VAV1: variants seen among roughly 807,000 people sequenced by gnomAD.
VAV1 encodes the protein vav guanine nucleotide exchange factor 1, also known as proto-oncogene vav.
VAV1 carries 33 observed loss-of-function variants against 128.1 expected under a neutral mutation model. The ratio of observed to expected loss-of-function variants is 0.26; its 90% CI spans 0.20 to 0.34. VAV1 has a LOEUF of 0.34. VAV1 is among the 10% of genes least tolerant of loss of function. VAV1 has a pLI of 1.00. For synonymous variants in VAV1, 394 were observed against 409.8 expected (o/e 0.96, Z 0.47); for missense variants, 715 against 1,093.7 (o/e 0.65, Z 4.88).
chr19:6,776,353 T>TGTCCATCC lies in VAV1; in HGVS notation c.204+3342_204+3343insGTCCATCC, dbSNP rs1286305983. ...TCATCCATTCATCCATCCACTCATCTATCCATCCATCCATCCATCCATCCA... is the reference window on the plus strand; with the variant it reads ...TCATCCATTCATCCATCCACTCATCTGTCCATCCATCCATCCATCCATCCATCCATCCA... On this transcript the variant is annotated intron_variant, in intron 1 of 26. Transcript: ENST00000602142. 9.4e-3 allele frequency among the ~76,000 whole-genome samples: 682 copies of TGTCCATCC among 72,742 alleles called. 8 individuals carry two copies. The highest frequency in any genetic ancestry group is 0.025 in the African/African-American group (565 of 22,432). The allele number at this position is 72,742 out of a possible 152,430, so 47.7% of individuals were successfully genotyped here.
chr19:6,851,027 T>A (rs1335207561), intron 24 of VAV1, among the ~76,000 whole-genome samples: 2 of 152,166 alleles, frequency 1.3e-5, no homozygotes, highest in African/African-American at 4.8e-5. Context: ...TGTATATATG[T>A]ATGTGTGTAT....
At chr19:6,817,646 G>T (rs577222258) in intron 1 of VAV1, among the ~76,000 whole-genome samples, 7 of 151,954 alleles carry the variant, frequency 4.6e-5, no homozygotes. Context: ...AGAAAACGCC[G>T]GAGTAGGGGT....
In VAV1 at chr19:6,857,324, C is replaced by T. The variant is rs1164731829; in HGVS notation, c.*217C>T. The T allele has an allele frequency of 2.9e-5, 17 of 582,672 alleles. No individual in the cohort carries two copies. Among genetic ancestry groups the T allele is most frequent in the Non-Finnish European group, 2.1e-5 (7 of 331,402 alleles). The allele number at this position is 582,672 out of a possible 1,614,324, so 36.1% of individuals were successfully genotyped here. On this transcript the variant is annotated 3_prime_UTR_variant, in exon 27 of 27. Transcript: ENST00000602142. ...CTTGGGTCCCCTCAAGCAGACGGGG[C>T]TCAAGGGGGTTACATTTAATAAAAG... is the stretch of plus-strand genomic sequence containing the variant.
At chr19:6,801,596 A>T (rs2144731722) in intron 1 of VAV1, among the ~76,000 whole-genome samples, 1 of 152,140 alleles carries the variant, frequency 6.6e-6, no homozygotes, top group Admixed American at 6.5e-5. Flanking sequence ...GAAGGGGCTG[A>T]TGGGTTGAAC....
At chr19:6,838,135 C>CTAT (rs56261346) in intron 21 of VAV1, among the ~76,000 whole-genome samples, 5 of 151,076 alleles carry the variant, frequency 3.3e-5, no homozygotes, top group South Asian at 2.1e-4. Flanking sequence ...ATCTATCTAT[C>CTAT]CATGCATCCA....
Position 6,822,597 on chromosome 19 carries a change from T to C in VAV1, c.654+83T>C, listed in dbSNP as rs959975979. On this transcript the variant is annotated intron_variant, in intron 6 of 26. Transcript: ENST00000602142. The surrounding 1 kb of genome is among the most constrained non-coding windows in gnomAD (Gnocchi z 5.9). The stretch of plus-strand genomic sequence containing the variant: ...TGCACGTCCACCTGTCCGGCCGCTC[T>C]GGGCAGCTGAGGATTTCCTGCTCCC... 1.5e-5 allele frequency: 19 copies of C among 1,260,224 alleles called. 1 individual carries two copies. In the African/African-American group the frequency reaches 2.7e-4, roughly 18 times the overall value. 78.1% of individuals were successfully genotyped at this position (1,260,224 alleles called of 1,614,324 possible). A position where few individuals can be genotyped will look rare whatever the true frequency, so the allele number is the denominator to read the frequency against.
intron 1 of VAV1, among the ~76,000 whole-genome samples, chr19:6,808,048 C>A (rs1415707592): frequency 6.7e-6 from 1 of 150,260 alleles, no homozygotes; most frequent in Non-Finnish European, 1.5e-5. Flanking sequence ...CGCGGTGGCT[C>A]AAGCCTATAA....
chr19:6,798,374 TC>T (rs1170487378), intron 1 of VAV1, among the ~76,000 whole-genome samples: 2 of 152,060 alleles, frequency 1.3e-5, no homozygotes, highest in Non-Finnish European at 2.9e-5. Flanking sequence ...AAGCCTGTAA[TC>T]TCGCCCCTTT....
chr19:6,812,036 G>A (rs915670190), intron 1 of VAV1, among the ~76,000 whole-genome samples: 1 of 152,176 alleles, frequency 6.6e-6, no homozygotes, highest in African/African-American at 2.4e-5. Context: ...TGAAAGTGAT[G>A]CTTATGACAA....
intron 14 of VAV1, among the ~76,000 whole-genome samples, chr19:6,830,359 A>G (rs1766015298): frequency 6.6e-6 from 1 of 151,456 alleles, no homozygotes; most frequent in Admixed American, 6.6e-5. Flanking sequence ...AACAGTTTTT[A>G]AATTGAGCAC....
chr19:6,844,039 C>G (rs1555705889), intron 22 of VAV1, among the ~76,000 whole-genome samples: 1 of 104,468 alleles, frequency 9.6e-6, no homozygotes, highest in African/African-American at 4.4e-5. Context: ...TGCCCCCATA[C>G]TTTCTTCTTT....
At chr19:6,790,909 G>T (rs1371598280) in intron 1 of VAV1, among the ~76,000 whole-genome samples, 1 of 152,206 alleles carries the variant, frequency 6.6e-6, no homozygotes, top group African/African-American at 2.4e-5. Flanking sequence ...CATAGCACTG[G>T]TGGCCATGTT....
intron 24 of VAV1, 96 bp downstream of exon 24, chr19:6,850,853 T>C (rs995578343): frequency 4.4e-5 from 55 of 1,243,044 alleles, no homozygotes; most frequent in Non-Finnish European, 6.2e-5. Flanking sequence ...ACATTCAGGG[T>C]GACCCCCCTC....
chr19:6,843,852 A>G (rs1465045205), intron 22 of VAV1, among the ~76,000 whole-genome samples: 4 of 151,914 alleles, frequency 2.6e-5, no homozygotes, highest in Non-Finnish European at 5.9e-5. Flanking sequence ...TGACATTGAA[A>G]TAGCTCTTGC....
chr19:6,855,657 A>T (rs2079505303), intron 26 of VAV1, among the ~76,000 whole-genome samples: 2 of 152,084 alleles, frequency 1.3e-5, no homozygotes. Flanking sequence ...CTATCCATGC[A>T]TGCACCCATC....
chr19:6,774,122 TTTTA>T (rs200967463), intron 1 of VAV1, among the ~76,000 whole-genome samples: 3,325 of 152,082 alleles, frequency 0.022, 116 homozygotes, highest in African/African-American at 0.076. Context: ...CTTCTGTTTA[TTTTA>T]TTTATTTATT....
At chr19:6,856,985 C>T (rs751745817) in intron 26 of VAV1, 69 bp from the exon 27 acceptor site, 278 of 1,461,922 alleles carry the variant, frequency 1.9e-4, no homozygotes, top group Non-Finnish European at 2.6e-4. Flanking sequence ...AGGGAGCCTG[C>T]CTGGTGTGTG....
chr19:6,850,039 T>C (rs1972626058), intron 23 of VAV1, among the ~76,000 whole-genome samples: 1 of 151,908 alleles, frequency 6.6e-6, no homozygotes. Context: ...CTGAACCAAT[T>C]TACAGTCCAG....
chr19:6,824,098 C>T (rs535053660), intron 6 of VAV1, among the ~76,000 whole-genome samples: 14 of 152,038 alleles, frequency 9.2e-5, no homozygotes, highest in African/African-American at 3.4e-4. Context: ...CCACCACACC[C>T]TGCTTAATTC....
Sources: allele counts gnomAD v4.1 joint callset (sites outside exome capture counted in the v4.1 genomes callset), GRCh38; gene constraint gnomAD v4.1.1; non-coding constraint Gnocchi (gnomAD v3.1); transcripts MANE v1.5; gene names NCBI Gene and HGNC (gene_info 2026-07-23, HGNC 2026-07-21).